CAMK1D: variants seen among roughly 807,000 people sequenced by gnomAD.
CAMK1D encodes the protein calcium/calmodulin-dependent protein kinase type 1D.
A neutral mutation model predicts 47.7 loss-of-function variants in CAMK1D; 9 were observed. That is an observed-to-expected ratio of 0.19 (90% CI 0.11 to 0.33). CAMK1D has a LOEUF of 0.33. Among genes scored for constraint, CAMK1D ranks in the 10% least tolerant of loss-of-function variants. The probability of loss-of-function intolerance (pLI) is 1.00; values close to 1 mark genes in which losing one functional copy is unlikely to be tolerated. For synonymous variants in CAMK1D, 184 were observed against 184.9 expected, an observed-to-expected ratio of 0.99 and a Z score of 0.04; for missense variants, 291 against 488.7, an observed-to-expected ratio of 0.60 and a Z score of 3.81.
intron 1 of CAMK1D, 24 bp downstream of exon 1, chr10:12,349,934 G>A (rs1386413936): frequency 1.7e-5 from 25 of 1,450,068 alleles, no homozygotes; most frequent in Non-Finnish European, 2.3e-5. Context: ...GGGGAGGCGA[G>A]GGTGGAGGTG....
At chr10:12,395,765 A>C (rs980982698) in intron 1 of CAMK1D, among the ~76,000 whole-genome samples, 4 of 150,536 alleles carry the variant, frequency 2.7e-5, no homozygotes, top group Non-Finnish European at 5.9e-5. Flanking sequence ...CATCTCTATG[A>C]AAAATACAAA....
intron 1 of CAMK1D, among the ~76,000 whole-genome samples, chr10:12,495,204 G>A (rs1256987998): frequency 1.3e-5 from 2 of 152,170 alleles, no homozygotes; most frequent in Non-Finnish European, 2.9e-5. Flanking sequence ...GAACAAAAAT[G>A]TGTTGCCTCA....
At chr10:12,697,194 A>G (rs1279691502) in intron 3 of CAMK1D, among the ~76,000 whole-genome samples, 1 of 152,170 alleles carries the variant, frequency 6.6e-6, no homozygotes, top group Non-Finnish European at 1.5e-5. Context: ...AAATCTCTCA[A>G]AATGATTCAA....
intron 1 of CAMK1D, among the ~76,000 whole-genome samples, chr10:12,507,985 G>A (rs1834929177): frequency 6.6e-6 from 1 of 152,182 alleles, no homozygotes; most frequent in Non-Finnish European, 1.5e-5. Context: ...TGGGAAGCTT[G>A]TGAAATGCAG....
At chr10:12,609,573 G>C (rs936046735) in intron 2 of CAMK1D, among the ~76,000 whole-genome samples, 2 of 152,174 alleles carry the variant, frequency 1.3e-5, no homozygotes. Flanking sequence ...GTGGAACCCA[G>C]ATCCCTCGCA....
At chr10:12,458,142 A>G (rs1359777950) in intron 1 of CAMK1D, among the ~76,000 whole-genome samples, 2 of 152,212 alleles carry the variant, frequency 1.3e-5, no homozygotes, top group African/African-American at 2.4e-5. Context: ...CATTCATTCA[A>G]TCTGCAAATG....
Position 12,520,076 on chromosome 10 carries a change from C to A in CAMK1D, c.93-33149C>A, listed in dbSNP as rs1411373732. ...CTGGCCGGGTGGGGGGCTGACCCCC[C>A]CCCACCTCCCTCCCGGACGGGGTGG... On this transcript the variant is annotated intron_variant, in intron 1 of 10. Transcript: ENST00000619168. Among the ~76,000 whole-genome samples the A allele has an allele frequency of 2.4e-5, 2 of 84,804 alleles. 1 individual carries two copies. The highest frequency in any genetic ancestry group is 5.0e-5 in the Non-Finnish European group (2 of 39,998). The allele number at this position is 84,804 out of a possible 152,430, so 55.6% of individuals were successfully genotyped here.
chr10:12,684,489 C>T (rs1832574893), intron 3 of CAMK1D, among the ~76,000 whole-genome samples: 1 of 151,426 alleles, frequency 6.6e-6, no homozygotes. Context: ...AAGAAGATAA[C>T]TAATTTAAAA....
chr10:12,442,770 C>A (rs1280793496), intron 1 of CAMK1D, among the ~76,000 whole-genome samples: 2 of 152,084 alleles, frequency 1.3e-5, no homozygotes, highest in Non-Finnish European at 2.9e-5. Context: ...CAGAAAGGAA[C>A]TTGTAACCAT....
intron 3 of CAMK1D, among the ~76,000 whole-genome samples, chr10:12,695,879 C>T (rs528306034): frequency 4.6e-5 from 7 of 151,968 alleles, no homozygotes; most frequent in Middle Eastern, 3.4e-3. Flanking sequence ...GAGTTTGACA[C>T]CAGCCAGGCC....
At chr10:12,540,144 G>T in intron 1 of CAMK1D, among the ~76,000 whole-genome samples, 1 of 148,970 alleles carries the variant, frequency 6.7e-6, no homozygotes, top group Non-Finnish European at 1.5e-5. Flanking sequence ...TATCCAGGCT[G>T]GTCTCCAACT....
chr10:12,536,672 C>T (rs550868179), intron 1 of CAMK1D, among the ~76,000 whole-genome samples: 1 of 152,302 alleles, frequency 6.6e-6, no homozygotes, highest in South Asian at 2.1e-4. Context: ...TTTGTACTTT[C>T]ACTACCTATG....
intron 8 of CAMK1D, among the ~76,000 whole-genome samples, chr10:12,820,818 T>C (rs969605249): frequency 5.3e-5 from 8 of 152,134 alleles, no homozygotes; most frequent in Non-Finnish European, 1.0e-4. Context: ...GTTCTCTCTG[T>C]GGTGTGTGCT....
chr10:12,742,677 A>G (rs1835485950), intron 3 of CAMK1D, among the ~76,000 whole-genome samples: 1 of 152,204 alleles, frequency 6.6e-6, no homozygotes, highest in Non-Finnish European at 1.5e-5. Context: ...TGGGAATAAT[A>G]TGAGCGAGTG....
chr10:12,673,440 T>C (rs1404690200), intron 3 of CAMK1D, among the ~76,000 whole-genome samples: 1 of 152,222 alleles, frequency 6.6e-6, no homozygotes, highest in Admixed American at 6.5e-5. Flanking sequence ...TTCCAGTTGC[T>C]TGCTGCTGCT....
intron 1 of CAMK1D, among the ~76,000 whole-genome samples, chr10:12,406,662 G>A (rs1235876964): frequency 1.5e-5 from 2 of 137,206 alleles, no homozygotes; most frequent in Non-Finnish European, 3.1e-5. Context: ...GGCGGAGGTT[G>A]CAGTGAGCCA....
intron 2 of CAMK1D, among the ~76,000 whole-genome samples, chr10:12,642,642 G>A (rs1839697997): frequency 6.6e-6 from 1 of 152,160 alleles, no homozygotes; most frequent in Non-Finnish European, 1.5e-5. Flanking sequence ...TACCAATAAT[G>A]AGAGATACCA....
At chr10:12,500,320 C>G (rs1588558625) in intron 1 of CAMK1D, among the ~76,000 whole-genome samples, 1 of 152,168 alleles carries the variant, frequency 6.6e-6, no homozygotes, top group Admixed American at 6.6e-5. Flanking sequence ...TGTCTGACTT[C>G]TTTCTTTGTC....
At chr10:12,608,850 G>A (rs1228247735) in intron 2 of CAMK1D, among the ~76,000 whole-genome samples, 1 of 152,250 alleles carries the variant, frequency 6.6e-6, no homozygotes, top group African/African-American at 2.4e-5. Context: ...GTTGGTCTGT[G>A]TAAACGTGGG....
Sources: gnomAD v4.1 joint callset for allele counts (sites outside exome capture counted in the v4.1 genomes callset) on GRCh38, gnomAD v4.1.1 for gene constraint, MANE v1.5 for transcripts, NCBI Gene and HGNC (gene_info 2026-07-23, HGNC 2026-07-21) for gene names.